ACACB: variants seen among roughly 807,000 people sequenced by gnomAD.
ACACB encodes acetyl-CoA carboxylase beta.
Under a neutral mutation model 278.8 loss-of-function variants are expected in ACACB, and 209 were observed. The ratio of observed to expected loss-of-function variants is 0.75; its 90% CI spans 0.67 to 0.84. The LOEUF is 0.84. Among genes scored for constraint, ACACB ranks in the 40% least tolerant of loss-of-function variants. The pLI is 0.00. For synonymous variants in ACACB, 1,174 were observed against 1,285.6 expected, an observed-to-expected ratio of 0.91 and a Z score of 1.86; for missense variants, 2,850 against 3,269.0, an observed-to-expected ratio of 0.87 and a Z score of 3.13.
intron 18 of ACACB, among the ~76,000 whole-genome samples, 197 bp from the exon 19 acceptor site, chr12:109,201,370 A>C (rs1000979326): frequency 6.6e-6 from 1 of 152,160 alleles, no homozygotes; most frequent in African/African-American, 2.4e-5. Context: ...ATTGAATGGC[A>C]CTTGCCTGGC....
chr12:109,133,053 A>G (rs1352456462), intron 1 of ACACB, among the ~76,000 whole-genome samples: 1 of 152,142 alleles, frequency 6.6e-6, no homozygotes, highest in Admixed American at 6.6e-5. Context: ...TTCTATCCGT[A>G]GTTAATCAGC....
chr12:109,140,255 C>T lies in ACACB; in HGVS notation c.653+197C>T, dbSNP rs1419158984. ...CCTTCCTTCCTTCCTTCCTTCCTTC[C>T]ATCCTTCCTTCCTTCTTTCCTTCCT... On this transcript the variant is annotated intron_variant, in intron 2 of 52. Coordinates refer to ENST00000338432, the MANE Select transcript of ACACB (RefSeq NM_001093.4). Among the ~76,000 whole-genome samples the T allele has an allele frequency of 7.0e-3, 818 of 116,962 alleles. 53 individuals carry two copies. Among genetic ancestry groups the T allele is most frequent in the African/African-American group, 0.023 (755 of 32,786 alleles). 76.7% of individuals were successfully genotyped at this position (116,962 alleles called of 152,430 possible).
Position 109,260,576 on chromosome 12 carries a change from A to G in ACACB, c.6593A>G (p.Glu2198Gly), listed in dbSNP as rs2047352699. 1 of 1,613,408 alleles carries G rather than the reference A, an allele frequency of 6.2e-7. No individual in the cohort carries two copies. Among genetic ancestry groups the G allele is most frequent in the African/African-American group, 1.3e-5 (1 of 74,896 alleles). ...PILIYIPPYA[E>G]LRGGSWVVID... is the part of the protein sequence containing the mutation. Reference sequence around the variant, plus strand: ...CTGATCTATATCCCGCCCTATGCGGAGCTCCGGGGAGGCTCCTGGGTGGTC... The same window carrying G: ...CTGATCTATATCCCGCCCTATGCGGGGCTCCGGGGAGGCTCCTGGGTGGTC... The change falls in exon 48 of 53, where the codon GAG (glutamate) becomes GGG (glycine). Residue 2198 changes from glutamate (E) to glycine (G), a missense_variant. Around this residue, in one of 3 missense-constraint regions of ACACB, gnomAD observed 579 missense variants for 684.6 expected, o/e 0.85. Coordinates refer to ENST00000338432, the MANE Select transcript of ACACB (RefSeq NM_001093.4).
intron 50 of ACACB, among the ~76,000 whole-genome samples, chr12:109,264,603 C>T (rs1053303105): frequency 2.0e-5 from 3 of 152,086 alleles, no homozygotes; most frequent in African/African-American, 4.8e-5. Context: ...GCCAGGCGGT[C>T]GTATTTTTTA....
intron 41 of ACACB, among the ~76,000 whole-genome samples, chr12:109,250,930 G>A (rs2047077746): frequency 6.6e-6 from 1 of 152,170 alleles, no homozygotes. Flanking sequence ...ATGATTCCAG[G>A]GTTTGTGTTT....
chr12:109,250,931 G>C (rs2047077845), intron 41 of ACACB, among the ~76,000 whole-genome samples: 4 of 152,186 alleles, frequency 2.6e-5, no homozygotes, highest in Admixed American at 2.6e-4. Flanking sequence ...TGATTCCAGG[G>C]TTTGTGTTTC....
chr12:109,141,385 T>C (rs2136033858), intron 2 of ACACB, among the ~76,000 whole-genome samples: 1 of 152,272 alleles, frequency 6.6e-6, no homozygotes, highest in Middle Eastern at 3.4e-3. Flanking sequence ...TTGTTGTTGA[T>C]GTTGTTGTTA....
intron 35 of ACACB, 56 bp from the exon 36 acceptor site, chr12:109,241,022 C>T (rs1423297131): frequency 1.3e-6 from 2 of 1,573,976 alleles, no homozygotes; most frequent in Non-Finnish European, 1.7e-6. Flanking sequence ...AGTGCTATTG[C>T]AAATGTCCTT....
chr12:109,153,883 A>G (rs2043445056), intron 2 of ACACB, among the ~76,000 whole-genome samples: 1 of 151,968 alleles, frequency 6.6e-6, no homozygotes, highest in Non-Finnish European at 1.5e-5. Context: ...GGCCGGCCTC[A>G]AACTCCTGAC....
intron 22 of ACACB, among the ~76,000 whole-genome samples, chr12:109,216,219 CTTTTTTT>C (rs1194453989): frequency 2.3e-5 from 3 of 128,148 alleles, no homozygotes; most frequent in Admixed American, 8.1e-5. Flanking sequence ...CTCTCTCTCT[CTTTTTTT>C]TTTTTTTTTT....
chr12:109,169,092 C>T (rs988379809), intron 4 of ACACB, among the ~76,000 whole-genome samples: 1 of 136,074 alleles, frequency 7.3e-6, no homozygotes, highest in African/African-American at 2.7e-5. Context: ...TTGCAGTAGG[C>T]TGAGATCACT....
At position 109,174,230 on chromosome 12, in the gene ACACB, G is replaced by T; in HGVS notation, c.1216G>T (p.Gly406Cys). ...QVPTLPWSGSGLTVEWTEDDL... is the reference protein window; with the variant it reads ...QVPTLPWSGSCLTVEWTEDDL... ...CCCAACCCTGCCCTGGAGTGGAAGC[G>T]GTAAGGGACCCCGAGCTTCCCTCTG... Residue 406 changes from glycine (G) to cysteine (C), a missense_variant and splice_region_variant, in exon 7 of 53, where the codon GGC (glycine) becomes TGC (cysteine). Transcript: ENST00000338432. 2 of 1,609,386 alleles carry T rather than the reference G, an allele frequency of 1.2e-6. No individual in the cohort carries two copies. The highest frequency in any genetic ancestry group is 1.7e-6 in the Non-Finnish European group (2 of 1,178,252).
rs771242906 is a variant in ACACB, at chr12:109,216,803, C to T, written c.3447C>T (p.Tyr1149=). The T allele has an allele frequency of 1.1e-5, 17 of 1,613,924 alleles. No homozygotes were observed. The African/African-American group carries it at 1.2e-4, about 11-fold the overall frequency. The part of the protein sequence containing the change: ...RVEHHFQQAH[Y]DKCVINLREQ... The stretch of plus-strand genomic sequence containing the variant: ...GTGTTTTGTCTCCCCCAGCCCACTA[C>T]GACAAGTGTGTGATAAACCTCAGGG... The change falls in exon 24 of 53, where the codon TAC becomes TAT. Residue 1149 remains tyrosine (Y), a synonymous_variant. Transcript: ENST00000338432.
At chr12:109,170,580 T>C (rs1015783453) in intron 4 of ACACB, among the ~76,000 whole-genome samples, 3 of 152,064 alleles carry the variant, frequency 2.0e-5, no homozygotes, top group Non-Finnish European at 4.4e-5. Flanking sequence ...TGATTCCATG[T>C]AGAAGGGGTA....
chr12:109,206,790 C>T lies in ACACB; in HGVS notation c.2994C>T (p.Ser998=), dbSNP rs139424252. Reference sequence around the variant, plus strand: ...AGAAACTGCACCAGGTCTTCCACAGCGTCCTGGAAAACCTCACCAACGTCA... The same window carrying T: ...AGAAACTGCACCAGGTCTTCCACAGTGTCCTGGAAAACCTCACCAACGTCA... ...LGEKLHQVFH[S]VLENLTNVMS... is the part of the protein sequence containing the mutation. Residue 998 remains serine (S), a synonymous_variant, in exon 20 of 53, where the codon AGC becomes AGT. Transcript: ENST00000338432. The T allele has an allele frequency of 7.3e-5, 118 of 1,614,148 alleles. No homozygotes were observed. Among genetic ancestry groups the T allele is most frequent in the African/African-American group, 9.3e-5 (7 of 75,022 alleles).
chr12:109,211,012 C>A (rs915189180), intron 21 of ACACB, among the ~76,000 whole-genome samples: 1 of 150,652 alleles, frequency 6.6e-6, no homozygotes, highest in Admixed American at 6.6e-5. Flanking sequence ...ATTTACACAT[C>A]GGCCTCGCGT....
At chr12:109,169,209 C>T (rs1025780699) in intron 4 of ACACB, among the ~76,000 whole-genome samples, 7 of 150,930 alleles carry the variant, frequency 4.6e-5, no homozygotes, top group African/African-American at 1.2e-4. Context: ...TTTTGTGCTT[C>T]TCCTTAAAAT....
At chr12:109,177,609 G>A (rs1207908312) in intron 9 of ACACB, among the ~76,000 whole-genome samples, 1 of 152,198 alleles carries the variant, frequency 6.6e-6, no homozygotes, top group Admixed American at 6.5e-5. Flanking sequence ...AAGGGAAGTT[G>A]CAGCAGCAGT....
upstream of ACACB, among the ~76,000 whole-genome samples, chr12:109,112,674 G>A (rs968255608): frequency 2.6e-5 from 3 of 114,856 alleles, no homozygotes; most frequent in Non-Finnish European, 5.0e-5. Flanking sequence ...GAGCATAAGA[G>A]CAAAACTCCG....
Sources: allele counts gnomAD v4.1 joint callset (sites outside exome capture counted in the v4.1 genomes callset), GRCh38; gene constraint gnomAD v4.1.1; regional missense constraint gnomAD v4.1.1; transcripts MANE v1.5; gene names NCBI Gene and HGNC (gene_info 2026-07-23, HGNC 2026-07-21).